Variants in LRRIQ1 observed in about 807,000 individuals in gnomAD.
The protein encoded by LRRIQ1 is leucine rich repeats and IQ motif containing 1.
In LRRIQ1, 210 loss-of-function variants were observed where a neutral mutation model predicts 211.9. The observed-to-expected ratio is 0.99, with a 90% CI of 0.89 to 1.11. LRRIQ1 has a LOEUF of 1.11. Among genes scored for constraint, LRRIQ1 ranks in the 50% most tolerant of loss-of-function variants. LRRIQ1 has a pLI of 0.00. For synonymous variants in LRRIQ1, 699 were observed against 650.1 expected (o/e 1.08, Z -1.14); for missense variants, 2,136 against 1,939.5 (o/e 1.10, Z -1.90).
intron 24 of LRRIQ1, among the ~76,000 whole-genome samples, chr12:85,208,182 A>G (rs1196195963): frequency 6.6e-6 from 1 of 151,992 alleles, no homozygotes; most frequent in Non-Finnish European, 1.5e-5. Context: ...GTAGGTCTTG[A>G]AGTTAGGTAA....
intron 1 of LRRIQ1, among the ~76,000 whole-genome samples, chr12:85,255,069 C>G (rs889175810): frequency 6.6e-6 from 1 of 151,622 alleles, no homozygotes; most frequent in Non-Finnish European, 1.5e-5. Flanking sequence ...TTCACTGATG[C>G]CTTTTATTCA....
At chr12:85,148,805 GCGTCTGTTGTTTCT>G (rs1377829597) in intron 19 of LRRIQ1, among the ~76,000 whole-genome samples, 4 of 151,906 alleles carry the variant, frequency 2.6e-5, no homozygotes, top group African/African-American at 4.8e-5. Flanking sequence ...AGCCTCACCA[GCGTCTGTTGTTTCT>G]TTACATTTTA....
exon 2 of LRRIQ1, chr12:85,263,876 C>T (rs1896366083): frequency 6.6e-6 from 1 of 151,900 alleles, no homozygotes; most frequent in Non-Finnish European, 1.5e-5. Flanking sequence ...TTATTAAAGT[C>T]TTACTGTTGT....
At chr12:85,214,963 AAAT>A (rs964754323) in intron 24 of LRRIQ1, among the ~76,000 whole-genome samples, 2 of 152,162 alleles carry the variant, frequency 1.3e-5, no homozygotes, top group African/African-American at 2.4e-5. Flanking sequence ...CATCCAGTAT[AAAT>A]AATTCTGAGG....
At chr12:85,193,064 T>C (rs1297765376) in intron 24 of LRRIQ1, among the ~76,000 whole-genome samples, 3 of 114,414 alleles carry the variant, frequency 2.6e-5, no homozygotes, top group East Asian at 4.6e-4. Flanking sequence ...ATATAAATAT[T>C]ATATTATATT....
At chr12:85,126,934 A>G (rs1888408449) in intron 17 of LRRIQ1, among the ~76,000 whole-genome samples, 2 of 152,196 alleles carry the variant, frequency 1.3e-5, no homozygotes, top group African/African-American at 4.8e-5. Context: ...GGATTTGGCA[A>G]TTATAAAATT....
chr12:85,100,409 T>C (rs1404244711), intron 13 of LRRIQ1, among the ~76,000 whole-genome samples: 1 of 151,712 alleles, frequency 6.6e-6, no homozygotes, highest in African/African-American at 2.4e-5. Context: ...TTTTTAGAAC[T>C]GAGCATGATA....
At chr12:85,037,995 G>C (rs1490360728) in intron 1 of LRRIQ1, among the ~76,000 whole-genome samples, 158 bp from the exon 2 acceptor site, 1 of 151,838 alleles carries the variant, frequency 6.6e-6, no homozygotes, top group Non-Finnish European at 1.5e-5. Context: ...TAAAAAGAAT[G>C]ATTGAAGAGA....
intron 17 of LRRIQ1, among the ~76,000 whole-genome samples, chr12:85,125,503 A>G (rs1888315006): frequency 6.6e-6 from 1 of 152,190 alleles, no homozygotes; most frequent in Non-Finnish European, 1.5e-5. Flanking sequence ...AAAATTGCTC[A>G]GATTTATCTT....
intron 24 of LRRIQ1, among the ~76,000 whole-genome samples, chr12:85,174,112 G>A (rs1200081601): frequency 6.6e-6 from 1 of 151,858 alleles, no homozygotes; most frequent in Non-Finnish European, 1.5e-5. Flanking sequence ...GAAAAAAGTA[G>A]CAAGCATAAT....
At chr12:85,085,949 A>G (rs1356921877) in intron 11 of LRRIQ1, among the ~76,000 whole-genome samples, 3 of 152,170 alleles carry the variant, frequency 2.0e-5, no homozygotes, top group Admixed American at 6.5e-5. Context: ...CTTTAACTAT[A>G]TATTTAGTAA....
chr12:85,206,023 C>G (rs1387314780), intron 24 of LRRIQ1, among the ~76,000 whole-genome samples: 1 of 152,202 alleles, frequency 6.6e-6, no homozygotes, highest in Non-Finnish European at 1.5e-5. Flanking sequence ...TCCTGGACCA[C>G]TGGCCGCAAC....
chr12:85,104,870 C>T (rs540952439), intron 14 of LRRIQ1, among the ~76,000 whole-genome samples: 2 of 152,032 alleles, frequency 1.3e-5, no homozygotes, highest in South Asian at 4.1e-4. Context: ...ATACTATTTT[C>T]CAAAGTAGTT....
intron 15 of LRRIQ1, among the ~76,000 whole-genome samples, chr12:85,111,441 A>C (rs1478710619): frequency 6.6e-6 from 1 of 152,068 alleles, no homozygotes; most frequent in Non-Finnish European, 1.5e-5. Flanking sequence ...CACTCCGTTG[A>C]CTAGTTCCAT....
At chr12:85,080,571 C>T (rs1375873315) in intron 11 of LRRIQ1, among the ~76,000 whole-genome samples, 1 of 151,352 alleles carries the variant, frequency 6.6e-6, no homozygotes, top group African/African-American at 2.4e-5. Context: ...ACTCAATTTA[C>T]AGTTTCCTAG....
At chr12:85,242,303 A>G (rs2137261382) in intron 26 of LRRIQ1, among the ~76,000 whole-genome samples, 1 of 152,094 alleles carries the variant, frequency 6.6e-6, no homozygotes, top group South Asian at 2.1e-4. Flanking sequence ...CTGGATTGAA[A>G]ATATTCAAAC....
chr12:85,114,562 A>G (rs534766243), intron 15 of LRRIQ1, among the ~76,000 whole-genome samples: 1 of 89,146 alleles, frequency 1.1e-5, no homozygotes, highest in East Asian at 1.9e-4. Flanking sequence ...AAATTGACAT[A>G]TTTTATTACA....
intron 8 of LRRIQ1, among the ~76,000 whole-genome samples, chr12:85,058,349 C>T (rs1378099545): frequency 1.3e-5 from 2 of 151,988 alleles, no homozygotes; most frequent in Non-Finnish European, 2.9e-5. Flanking sequence ...TTTCCTTGCG[C>T]ATGTTATCTC....
intron 24 of LRRIQ1, among the ~76,000 whole-genome samples, chr12:85,184,450 CATAT>C (rs1163057341): frequency 6.6e-6 from 1 of 151,956 alleles, no homozygotes; most frequent in Non-Finnish European, 1.5e-5. Context: ...TAAACTTATA[CATAT>C]AGATGTGTAT....
Sources: gnomAD v4.1 joint callset for allele counts (sites outside exome capture counted in the v4.1 genomes callset) on GRCh38, gnomAD v4.1.1 for gene constraint, MANE v1.5 for transcripts, NCBI Gene and HGNC (gene_info 2026-07-23, HGNC 2026-07-21) for gene names.